C8orf88: variants seen among roughly 807,000 people sequenced by gnomAD.
The protein encoded by C8orf88 is chromosome 8 open reading frame 88.
Under a neutral mutation model 18.4 loss-of-function variants are expected in C8orf88, and 14 were observed. The observed-to-expected ratio is 0.76, with a 90% CI of 0.50 to 1.19. The LOEUF is 1.19. Among genes scored for constraint, C8orf88 ranks in the 50% most tolerant of loss-of-function variants. The pLI is 0.00. For synonymous variants in C8orf88, 45 were observed against 42.9 expected, an observed-to-expected ratio of 1.05 and a Z score of -0.19; for missense variants, 116 against 134.7, an observed-to-expected ratio of 0.86 and a Z score of 0.69.
Position 90,978,607 on chromosome 8 carries a change from G to C in C8orf88, c.119C>G (p.Thr40Ser). 6.5e-7 allele frequency: 1 copy of C among 1,530,444 alleles called. No individual in the cohort carries two copies. The highest frequency in any genetic ancestry group is 1.4e-5 in the African/African-American group (1 of 73,030). The allele number at this position is 1,530,444 out of a possible 1,614,324, so 94.8% of individuals were successfully genotyped here. Residue 40 changes from threonine (T) to serine (S), a missense_variant, in exon 3 of 6, where the codon ACT becomes AGT. Coordinates refer to ENST00000517562, the MANE Select transcript of C8orf88 (RefSeq NM_001190972.2). The stretch of plus-strand genomic sequence containing the variant: ...GCTAACTCCACTTTGTATGCACTGA[G>C]TGTTGCATGGATATTCGTTTTGAAA... ...FNFQNEYPCN[T>S]QCIQSGVSRC...
At chr8:90,970,076 T>G (rs971113764) in intron 4 of C8orf88, among the ~76,000 whole-genome samples, 1 of 151,906 alleles carries the variant, frequency 6.6e-6, no homozygotes, top group Non-Finnish European at 1.5e-5. Flanking sequence ...AAGGCAAACA[T>G]TCGCTTTAGA....
intron 4 of C8orf88, among the ~76,000 whole-genome samples, chr8:90,968,559 A>G (rs1030819051): frequency 3.3e-5 from 5 of 150,134 alleles, no homozygotes; most frequent in Non-Finnish European, 5.9e-5. Flanking sequence ...GAGCAACAAA[A>G]GGAAAAATAG....
Position 90,985,233 on chromosome 8 carries a change from C to G in C8orf88, c.-146G>C, listed in dbSNP as rs1433820277. 1.8e-5 allele frequency: 2 copies of G among 113,328 alleles called. No homozygotes were observed. Among genetic ancestry groups the G allele is most frequent in the Admixed American group, 1.0e-4 (1 of 9,990 alleles). 7.0% of individuals were successfully genotyped at this position (113,328 alleles called of 1,614,324 possible). ...TCCTGCCGCTGGTCCGCTGGCTGAC[C>G]GCGGTGGCGGCGGCGGGGGGCGAGG... On this transcript the variant is annotated 5_prime_UTR_variant, in exon 1 of 6. Transcript: ENST00000517562.
At chr8:90,984,352 A>G (rs907717426) in intron 1 of C8orf88, among the ~76,000 whole-genome samples, 1 of 152,220 alleles carries the variant, frequency 6.6e-6, no homozygotes, top group African/African-American at 2.4e-5. Context: ...TTGTAAGTAA[A>G]CTGCTCACAC....
At chr8:90,980,325 A>C (rs954130558) in intron 2 of C8orf88, 38 bp downstream of exon 2, 34 of 1,278,670 alleles carry the variant, frequency 2.7e-5, no homozygotes, top group Admixed American at 5.8e-5. Context: ...AGTCATTAAC[A>C]CATTAATATT....
At chr8:90,968,581 C>T (rs1331535182) in intron 4 of C8orf88, among the ~76,000 whole-genome samples, 5 of 142,484 alleles carry the variant, frequency 3.5e-5, no homozygotes, top group Admixed American at 1.4e-4. Context: ...TAAAATTCAT[C>T]GAAGCTAAAA....
chr8:90,978,665 GA>G lies in C8orf88; in HGVS notation c.74-14del. Reference sequence around the variant, plus strand: ...GGGAACACTGCTCCTGTTAGGAGAGGAAGAAAACAATTTCATAGATCTATTA... The same window carrying G: ...GGGAACACTGCTCCTGTTAGGAGAGGAGAAAACAATTTCATAGATCTATTA... On this transcript the variant is annotated splice_polypyrimidine_tract_variant and intron_variant, in intron 2 of 5. Transcript: ENST00000517562. The G allele has an allele frequency of 6.9e-7, 1 of 1,456,700 alleles. No homozygotes were observed. The highest frequency in any genetic ancestry group is 1.3e-5 in the South Asian group (1 of 76,436). The allele number at this position is 1,456,700 out of a possible 1,614,324, so 90.2% of individuals were successfully genotyped here.
intron 1 of C8orf88, among the ~76,000 whole-genome samples, chr8:90,983,026 T>C (rs1811455248): frequency 6.6e-6 from 1 of 152,082 alleles, no homozygotes; most frequent in South Asian, 2.1e-4. Context: ...ACAAATTCAG[T>C]CTTAAACTCT....
chr8:90,961,018 A>G (rs1811119918), intron 4 of C8orf88, among the ~76,000 whole-genome samples, 170 bp from the exon 5 acceptor site: 1 of 151,436 alleles, frequency 6.6e-6, no homozygotes, highest in Admixed American at 6.6e-5. Flanking sequence ...ACTGCCTCCA[A>G]TTCTCCTTTT....
intron 4 of C8orf88, among the ~76,000 whole-genome samples, chr8:90,970,468 G>T (rs527755509): frequency 3.3e-5 from 5 of 151,950 alleles, no homozygotes; most frequent in Non-Finnish European, 5.9e-5. Context: ...TAGCTAGTGT[G>T]GGAGAGACTA....
intron 5 of C8orf88, among the ~76,000 whole-genome samples, chr8:90,959,611 C>T (rs1316139591): frequency 3.3e-5 from 5 of 151,124 alleles, no homozygotes; most frequent in Non-Finnish European, 7.4e-5. Flanking sequence ...GGCTAGAGAT[C>T]TAAAGTTAGG....
intron 3 of C8orf88, among the ~76,000 whole-genome samples, chr8:90,973,006 T>C (rs1414703192): frequency 1.3e-5 from 2 of 152,164 alleles, no homozygotes; most frequent in African/African-American, 2.4e-5. Flanking sequence ...AGAATGCCTA[T>C]GACATGACAA....
chr8:90,966,251 G>A (rs1191246060), intron 4 of C8orf88, among the ~76,000 whole-genome samples: 1 of 148,594 alleles, frequency 6.7e-6, no homozygotes, highest in Non-Finnish European at 1.5e-5. Context: ...ACTATCGCAA[G>A]AATAAAAAAC....
chr8:90,970,950 A>G lies in C8orf88; in HGVS notation c.223+116T>C, dbSNP rs1039595430. Reference sequence around the variant, plus strand: ...TGACTCATATAGATAGAAATCAATCAAAAAATATATAATAAAATTTCATAT... The same window carrying G: ...TGACTCATATAGATAGAAATCAATCGAAAAATATATAATAAAATTTCATAT... On this transcript the variant is annotated intron_variant, in intron 4 of 5. Coordinates refer to ENST00000517562, the MANE Select transcript of C8orf88 (RefSeq NM_001190972.2). 1.2e-5 allele frequency: 7 copies of G among 582,164 alleles called. No homozygotes were observed. In the East Asian group the frequency reaches 2.2e-4, roughly 18 times the overall value. The allele number at this position is 582,164 out of a possible 1,614,324, so 36.1% of individuals were successfully genotyped here.
At position 90,959,034 on chromosome 8, in the gene C8orf88, TA is replaced by T; in HGVS notation, c.331-5del. 1 of 1,334,654 alleles carries T rather than the reference TA, an allele frequency of 7.5e-7. No homozygotes were observed. Among genetic ancestry groups the T allele is most frequent in the Non-Finnish European group, 1.0e-6 (1 of 990,176 alleles). 82.7% of individuals were successfully genotyped at this position (1,334,654 alleles called of 1,614,324 possible). The stretch of plus-strand genomic sequence containing the variant: ...ACTTAAAACTTTGGTTGTTTTCCTG[TA>T]ATATAAAAGAAAAAGTTAATTTATC... On this transcript the variant is annotated splice_polypyrimidine_tract_variant and splice_region_variant and intron_variant, in intron 5 of 5. Coordinates refer to ENST00000517562, the MANE Select transcript of C8orf88 (RefSeq NM_001190972.2).
At chr8:90,984,202 T>G (rs989012313) in intron 1 of C8orf88, among the ~76,000 whole-genome samples, 2 of 152,206 alleles carry the variant, frequency 1.3e-5, no homozygotes, top group Non-Finnish European at 2.9e-5. Context: ...TAAGATCATA[T>G]AAAGTGAAAT....
intron 4 of C8orf88, among the ~76,000 whole-genome samples, chr8:90,965,209 A>G (rs1380132881): frequency 1.3e-5 from 2 of 151,768 alleles, no homozygotes; most frequent in African/African-American, 4.8e-5. Flanking sequence ...AGCAGTAACC[A>G]AAAGAGAGCT....
intron 3 of C8orf88, among the ~76,000 whole-genome samples, chr8:90,973,882 C>T (rs974240893): frequency 1.3e-5 from 2 of 151,976 alleles, no homozygotes; most frequent in Admixed American, 6.6e-5. Flanking sequence ...GAGACAAATG[C>T]GTATCACTCT....
Position 90,971,083 on chromosome 8 carries a change from T to C in C8orf88, c.206A>G (p.Gln69Arg). Residue 69 changes from glutamine (Q) to arginine (R), a missense_variant, in exon 4 of 6, where the codon CAG (glutamine) becomes CGG (arginine). Physicochemically the swap from Gln to Arg is conservative, Grantham distance 43 (BLOSUM62 1). Transcript: ENST00000517562. Reference protein sequence around the residue: ...SQGLNEQQQQQSPVKKERIKY... With the variant: ...SQGLNEQQQQRSPVKKERIKY... ...AATTTTACCTTTCTTAACTGGAGAC[T>C]GCTGTTGCTGTTGCTCATTAAGACC... The C allele has an allele frequency of 3.3e-6, 5 of 1,517,498 alleles. No individual in the cohort carries two copies. The highest frequency in any genetic ancestry group is 4.4e-6 in the Non-Finnish European group (5 of 1,136,236). The allele number at this position is 1,517,498 out of a possible 1,614,324, so 94.0% of individuals were successfully genotyped here.
Sources: gnomAD v4.1 joint callset for allele counts (sites outside exome capture counted in the v4.1 genomes callset) on GRCh38, gnomAD v4.1.1 for gene constraint, MANE v1.5 for transcripts, NCBI Gene and HGNC (gene_info 2026-07-23, HGNC 2026-07-21) for gene names.